The following TLR3 variants were observed in gnomAD, a reference collection of about 807,000 sequenced individuals.
The protein encoded by TLR3 is toll like receptor 3.
TLR3 carries 43 observed loss-of-function variants against 66.4 expected under a neutral mutation model. The observed-to-expected ratio is 0.65, with a 90% CI of 0.51 to 0.83. The LOEUF (loss-of-function observed/expected upper bound fraction) is 0.83. Among genes scored for constraint, TLR3 ranks in the 40% least tolerant of loss-of-function variants. TLR3 has a pLI of 0.00. For synonymous variants in TLR3, 397 were observed against 397.2 expected, an observed-to-expected ratio of 1.00 and a Z score of 0.01; for missense variants, 982 against 1,044.6, an observed-to-expected ratio of 0.94 and a Z score of 0.83.
chr4:186,075,439 T>C (rs115422063), intron 1 of TLR3, among the ~76,000 whole-genome samples: 1,782 of 152,136 alleles, frequency 0.012, 36 homozygotes, highest in African/African-American at 0.041. Context: ...CTGGGCAACA[T>C]AGCAAGACCC....
At chr4:186,075,523 G>C (rs1579726317) in intron 1 of TLR3, among the ~76,000 whole-genome samples, 1 of 152,214 alleles carries the variant, frequency 6.6e-6, no homozygotes, top group East Asian at 1.9e-4. Flanking sequence ...CCAGCTACTT[G>C]GGAGGCTGAG....
rs1303054357 is a variant in TLR3, at chr4:186,085,051, T to C, written c.*178T>C. ...GTGTCTCCTTATTTCAGGCCTATTTTTGACAATTGACTTAATTTTACCCAA... is the reference window on the plus strand; with the variant it reads ...GTGTCTCCTTATTTCAGGCCTATTTCTGACAATTGACTTAATTTTACCCAA... On this transcript the variant is annotated 3_prime_UTR_variant, in exon 5 of 5. Coordinates refer to ENST00000296795, the MANE Select transcript of TLR3 (RefSeq NM_003265.3). 1.6e-5 allele frequency: 10 copies of C among 620,512 alleles called. No individual in the cohort carries two copies. The highest frequency in any genetic ancestry group is 2.8e-5 in the Non-Finnish European group (10 of 358,228). The allele number at this position is 620,512 out of a possible 1,614,324, so 38.4% of individuals were successfully genotyped here.
intron 1 of TLR3, among the ~76,000 whole-genome samples, chr4:186,073,037 G>A (rs1020915300): frequency 3.3e-5 from 5 of 152,146 alleles, no homozygotes; most frequent in East Asian, 1.9e-4. Context: ...GGGAGGTTTC[G>A]CTCACTGAAC....
At position 186,078,869 on chromosome 4, in the gene TLR3, T is replaced by C. The variant is rs1295133634; in HGVS notation, c.471T>C (p.Asn157=). The change falls in exon 3 of 5, where the codon AAT becomes AAC. Residue 157 remains asparagine, a synonymous_variant. Transcript: ENST00000296795. ...TAATCACATTAGATCTGTCTCATAA[T>C]GGCTTGTCATCTACAAAATTAGGAA... is the stretch of plus-strand genomic sequence containing the variant. ...KNLITLDLSH[N]GLSSTKLGTQ... is the part of the protein sequence containing the mutation. 1.9e-6 allele frequency: 3 copies of C among 1,613,954 alleles called. No homozygotes were observed. The highest frequency in any genetic ancestry group is 8.5e-7 in the Non-Finnish European group (1 of 1,179,980).
chr4:186,073,571 C>T (rs2099301884), intron 1 of TLR3, among the ~76,000 whole-genome samples: 1 of 151,710 alleles, frequency 6.6e-6, no homozygotes, highest in Non-Finnish European at 1.5e-5. Context: ...ACACAAAAAA[C>T]CATGACTCCT....
At position 186,076,879 on chromosome 4, in the gene TLR3, T is replaced by C. The variant is rs1241355268; in HGVS notation, c.260T>C (p.Ile87Thr). 3.7e-6 allele frequency: 6 copies of C among 1,614,176 alleles called. No homozygotes were observed. Among genetic ancestry groups the C allele is most frequent in the African/African-American group, 1.3e-5 (1 of 75,026 alleles). ...LTSLDVGFNT[I>T]SKLEPELCQK... The stretch of plus-strand genomic sequence containing the variant: ...AGCTTGGATGTAGGATTTAACACCA[T>C]CTCAAAACTGGAGCCAGAATTGTGC... Residue 87 changes from isoleucine (I) to threonine (T), a missense_variant, in exon 2 of 5, where the codon ATC becomes ACC. Transcript: ENST00000296795.
At chr4:186,078,083 C>T (rs907378122) in intron 2 of TLR3, among the ~76,000 whole-genome samples, 1 of 152,114 alleles carries the variant, frequency 6.6e-6, no homozygotes, top group African/African-American at 2.4e-5. Flanking sequence ...TCTTTGAATA[C>T]AAAGGCCTCA....
At position 186,074,473 on chromosome 4, in the gene TLR3, T is replaced by A. The variant is rs143584955; in HGVS notation, c.-7-2140T>A. ...ACTTCCATAGGGCACTTACCACGAG[T>A]GGAGCTTGCAGTACTGGGAGTGGCT... On this transcript the variant is annotated intron_variant, in intron 1 of 4. Coordinates refer to ENST00000296795, the MANE Select transcript of TLR3 (RefSeq NM_003265.3). Among the ~76,000 whole-genome samples, 297 of 152,202 alleles carry A rather than the reference T, an allele frequency of 2.0e-3. 1 individual carries two copies. The highest frequency in any genetic ancestry group is 6.7e-3 in the African/African-American group (278 of 41,514).
At position 186,076,697 on chromosome 4, in the gene TLR3, C is replaced by T; in HGVS notation, c.78C>T (p.Thr26=). The change falls in exon 2 of 5, where the codon ACC becomes ACT. Residue 26 remains threonine, a synonymous_variant. Coordinates refer to ENST00000296795, the MANE Select transcript of TLR3 (RefSeq NM_003265.3). ...GGATGCTGTGTGCATCCTCCACCAC[C>T]AAGTGCACTGTTAGCCATGAAGTTG... is the stretch of plus-strand genomic sequence containing the variant. ...PFGMLCASST[T]KCTVSHEVAD... is the part of the protein sequence containing the mutation. 1 of 1,614,168 alleles carries T rather than the reference C, an allele frequency of 6.2e-7. No individual in the cohort carries two copies. Among genetic ancestry groups the T allele is most frequent in the Non-Finnish European group, 8.5e-7 (1 of 1,180,030 alleles).
chr4:186,076,767 C>T lies in TLR3; in HGVS notation c.148C>T (p.Pro50Ser), dbSNP rs1297171122. Residue 50 changes from proline to serine, a missense_variant, in exon 2 of 5, where the codon CCC (proline) becomes TCC (serine). Coordinates refer to ENST00000296795, the MANE Select transcript of TLR3 (RefSeq NM_003265.3). ...LKLTQVPDDL[P>S]TNITVLNLTH... is the part of the protein sequence containing the mutation. Reference sequence around the variant, plus strand: ...GTTGACTCAGGTACCCGATGATCTACCCACAAACATAACAGTGTTGAACCT... The same window carrying T: ...GTTGACTCAGGTACCCGATGATCTATCCACAAACATAACAGTGTTGAACCT... 4 of 1,614,122 alleles carry T rather than the reference C, an allele frequency of 2.5e-6. No individual in the cohort carries two copies. Among genetic ancestry groups the T allele is most frequent in the South Asian group, 1.1e-5 (1 of 91,074 alleles).
chr4:186,077,761 C>T lies in TLR3; in HGVS notation c.441+701C>T, dbSNP rs529068701. On this transcript the variant is annotated intron_variant, in intron 2 of 4. Transcript: ENST00000296795. Reference sequence around the variant, plus strand: ...GTGTTGTGAACATTCAAAATACGCTCTTCTAGCTTTTAAAAAATACACAAT... The same window carrying T: ...GTGTTGTGAACATTCAAAATACGCTTTTCTAGCTTTTAAAAAATACACAAT... Among the ~76,000 whole-genome samples, 12 of 152,058 alleles carry T rather than the reference C, an allele frequency of 7.9e-5. No homozygotes were observed. The East Asian group carries it at 2.3e-3, about 29-fold the overall frequency.
At chr4:186,070,722 G>A (rs1022822557) in intron 1 of TLR3, among the ~76,000 whole-genome samples, 10 of 152,022 alleles carry the variant, frequency 6.6e-5, no homozygotes, top group African/African-American at 2.4e-4. Flanking sequence ...TTGTTTTTTA[G>A]AGGTAAGGTC....
chr4:186,078,791 GT>G (rs757531725), intron 2 of TLR3, 48 bp from the exon 3 acceptor site: 1 of 1,537,536 alleles, frequency 6.5e-7, no homozygotes, highest in African/African-American at 1.4e-5. Context: ...TAAAAGAACT[GT>G]TTTTGACAGC....
intron 4 of TLR3, 61 bp from the exon 5 acceptor site, chr4:186,084,584 T>C: frequency 9.1e-7 from 1 of 1,102,682 alleles, no homozygotes. Context: ...TATTTTTAAA[T>C]AGTATTGCTT....
chr4:186,073,358 A>G (rs1215162982), intron 1 of TLR3, among the ~76,000 whole-genome samples: 2 of 152,042 alleles, frequency 1.3e-5, no homozygotes, highest in Non-Finnish European at 1.5e-5. Flanking sequence ...TGTCTCTACT[A>G]CAAATATAAA....
chr4:186,075,946 G>A (rs1579726531), intron 1 of TLR3, among the ~76,000 whole-genome samples: 1 of 152,188 alleles, frequency 6.6e-6, no homozygotes, highest in East Asian at 1.9e-4. Context: ...ATGAAGTCAA[G>A]AGATCGAGAC....
chr4:186,076,044 C>G (rs895028406), intron 1 of TLR3, among the ~76,000 whole-genome samples: 1 of 151,982 alleles, frequency 6.6e-6, no homozygotes, highest in Non-Finnish European at 1.5e-5. Flanking sequence ...ATCCCAGCTA[C>G]TCGGGAGGCT....
At position 186,083,310 on chromosome 4, in the gene TLR3, T is replaced by C; in HGVS notation, c.1624T>C (p.Leu542=). The C allele has an allele frequency of 8.7e-6, 14 of 1,614,178 alleles. No homozygotes were observed. The highest frequency in any genetic ancestry group is 1.1e-5 in the Non-Finnish European group (13 of 1,180,026). Reference sequence around the variant, plus strand: ...AATTCTCGATTTGCAGCATAACAACTTAGCACGGCTCTGGAAACACGCAAA... The same window carrying C: ...AATTCTCGATTTGCAGCATAACAACCTAGCACGGCTCTGGAAACACGCAAA... ...LEILDLQHNN[L]ARLWKHANPG... is the part of the protein sequence containing the mutation. The change falls in exon 4 of 5, where the codon TTA becomes CTA. Residue 542 remains leucine (L), a synonymous_variant. Coordinates refer to ENST00000296795, the MANE Select transcript of TLR3 (RefSeq NM_003265.3). This position sits in a 1 kb window ranked among gnomAD's most constrained non-coding sequence, Gnocchi z 4.0.
At chr4:186,079,779 G>A (rs1316652316) in intron 3 of TLR3, among the ~76,000 whole-genome samples, 1 of 152,170 alleles carries the variant, frequency 6.6e-6, no homozygotes, top group African/African-American at 2.4e-5. Context: ...ACATTTATTC[G>A]TGAAAGTAGG....
Sources: gnomAD v4.1 joint callset for allele counts (sites outside exome capture counted in the v4.1 genomes callset) on GRCh38, gnomAD v4.1.1 for gene constraint, Gnocchi (gnomAD v3.1) non-coding constraint, MANE v1.5 for transcripts, NCBI Gene and HGNC (gene_info 2026-07-23, HGNC 2026-07-21) for gene names.